The following LRRC7 variants were observed in gnomAD, a reference collection of about 807,000 sequenced individuals.
LRRC7 encodes leucine-rich repeat-containing protein 7.
A neutral mutation model predicts 175.7 loss-of-function variants in LRRC7; 23 were observed. The observed-to-expected ratio is 0.13, with a 90% CI of 0.09 to 0.19. The LOEUF (loss-of-function observed/expected upper bound fraction) is 0.19, where lower values mean the gene tolerates loss of function less well. Ranked by LOEUF, LRRC7 falls within the 10% of genes least tolerant of loss-of-function variation. The pLI is 1.00. For synonymous variants in LRRC7, 685 were observed against 680.9 expected, an observed-to-expected ratio of 1.01 and a Z score of -0.09; for missense variants, 1,354 against 1,904.7, an observed-to-expected ratio of 0.71 and a Z score of 5.38.
rs1345317016 is a variant in LRRC7 at position 70,033,159 on chromosome 1, C to T, written c.1996-2962C>T. On this transcript the variant is annotated intron_variant, in intron 18 of 26. Coordinates refer to ENST00000651989, the MANE Select transcript of LRRC7 (RefSeq NM_001370785.2). ...CTCAGGATAGACAATACAGCATACA[C>T]AGTATCACATAGATCTTTGAGTAGC... is the stretch of plus-strand genomic sequence containing the variant. Among the ~76,000 whole-genome samples, 3 of 152,312 alleles carry T rather than the reference C, an allele frequency of 2.0e-5. No homozygotes were observed. The East Asian group carries it at 5.8e-4, about 29-fold the overall frequency.
chr1:69,920,853 ATTGT>A (rs1239605528), intron 7 of LRRC7, among the ~76,000 whole-genome samples: 5 of 152,108 alleles, frequency 3.3e-5, no homozygotes, highest in Non-Finnish European at 5.9e-5. Context: ...TTTGGTGCTT[ATTGT>A]TTGTTTGTTG....
At chr1:70,025,562 T>C (rs915524506) in intron 17 of LRRC7, among the ~76,000 whole-genome samples, 12 of 152,104 alleles carry the variant, frequency 7.9e-5, no homozygotes, top group African/African-American at 2.7e-4. Context: ...CTTACAGATT[T>C]TCCAAGAACT....
intron 1 of LRRC7, among the ~76,000 whole-genome samples, chr1:69,614,439 A>C (rs1019984357): frequency 2.0e-5 from 3 of 151,998 alleles, no homozygotes; most frequent in Non-Finnish European, 4.4e-5. Flanking sequence ...GTGTATCGCT[A>C]TTTTCTTTGC....
chr1:69,667,498 C>T (rs1049785535), intron 1 of LRRC7, among the ~76,000 whole-genome samples: 7 of 152,014 alleles, frequency 4.6e-5, no homozygotes, highest in Non-Finnish European at 7.4e-5. Flanking sequence ...GTACTGGATG[C>T]GTATTTATTT....
At chr1:69,770,393 T>C (rs746555365) in intron 3 of LRRC7, among the ~76,000 whole-genome samples, 72 of 152,312 alleles carry the variant, frequency 4.7e-4, no homozygotes, top group Non-Finnish European at 5.9e-4. Flanking sequence ...AGGACACTTA[T>C]TTATTTTGTG....
chr1:69,714,477 G>A (rs146351620), intron 2 of LRRC7, among the ~76,000 whole-genome samples: 1 of 152,214 alleles, frequency 6.6e-6, no homozygotes, highest in Non-Finnish European at 1.5e-5. Flanking sequence ...ATGAGAAATG[G>A]CAATTTAGAG....
rs567678338 is a variant in LRRC7, at chr1:69,962,451, A to G, written c.712-17928A>G. 7.2e-5 allele frequency among the ~76,000 whole-genome samples: 11 copies of G among 152,334 alleles called. No individual in the cohort carries two copies. In the South Asian group the frequency reaches 2.1e-3, roughly 29 times the overall value. On this transcript the variant is annotated intron_variant, in intron 8 of 26. Coordinates refer to ENST00000651989, the MANE Select transcript of LRRC7 (RefSeq NM_001370785.2). ...TCCTCAAAGACCTAAAGAAAGAACT[A>G]AGATTTGACCCAGCAATCCCATTAC...
At chr1:69,757,920 A>C (rs1037838490) in intron 2 of LRRC7, among the ~76,000 whole-genome samples, 2 of 151,698 alleles carry the variant, frequency 1.3e-5, no homozygotes, top group Non-Finnish European at 2.9e-5. Flanking sequence ...TCTCTCCCAT[A>C]GCCTCTCTTT....
At position 69,919,885 on chromosome 1, in the gene LRRC7, C is replaced by T. The variant is rs868769518; in HGVS notation, c.648-11622C>T. 318 of 662,880 alleles carry T rather than the reference C, an allele frequency of 4.8e-4. 3 individuals are homozygous for T. Among genetic ancestry groups the T allele is most frequent in the Middle Eastern group, 4.0e-3 (16 of 4,044 alleles). The allele number at this position is 662,880 out of a possible 1,614,324, so 41.1% of individuals were successfully genotyped here. ...GGCCTCGGGGTTCCCCCGCTGCCTGCTGGCCAGTGGCCGAACCCCCCACTC... is the reference window on the plus strand; with the variant it reads ...GGCCTCGGGGTTCCCCCGCTGCCTGTTGGCCAGTGGCCGAACCCCCCACTC... On this transcript the variant is annotated intron_variant, in intron 7 of 26. Coordinates refer to ENST00000651989, the MANE Select transcript of LRRC7 (RefSeq NM_001370785.2).
chr1:69,991,905 G>A (rs1654475623), intron 10 of LRRC7, among the ~76,000 whole-genome samples: 1 of 152,044 alleles, frequency 6.6e-6, no homozygotes, highest in African/African-American at 2.4e-5. Context: ...TAGATGGAGA[G>A]TTTTCATAAT....
chr1:70,030,450 C>A (rs142260583), intron 18 of LRRC7, among the ~76,000 whole-genome samples: 2 of 152,208 alleles, frequency 1.3e-5, no homozygotes, highest in Non-Finnish European at 2.9e-5. Context: ...CAAAGAGGAA[C>A]TGTTGCTTTC....
At chr1:70,014,223 TA>T (rs1329433325) in intron 13 of LRRC7, 6 of 152,006 alleles carry the variant, frequency 3.9e-5, no homozygotes, top group Admixed American at 3.9e-4. Context: ...ATTATATTGT[TA>T]TAAATAAGAT....
chr1:69,808,341 TAGAC>T (rs1186333763), intron 4 of LRRC7, among the ~76,000 whole-genome samples: 2 of 151,914 alleles, frequency 1.3e-5, no homozygotes, highest in Non-Finnish European at 1.5e-5. Context: ...CTGTCAATAT[TAGAC>T]AGATGAACAA....
chr1:69,854,382 G>A (rs1478139569), intron 7 of LRRC7, among the ~76,000 whole-genome samples: 1 of 151,994 alleles, frequency 6.6e-6, no homozygotes, highest in East Asian at 1.9e-4. Context: ...GTGTGCCTGT[G>A]GTCCTAGCTA....
chr1:69,734,300 G>A (rs551221087), intron 2 of LRRC7, among the ~76,000 whole-genome samples: 86 of 151,686 alleles, frequency 5.7e-4, no homozygotes, highest in African/African-American at 2.0e-3. Context: ...CACATACCAC[G>A]GACCCATGAG....
intron 1 of LRRC7, among the ~76,000 whole-genome samples, chr1:69,616,673 T>C (rs1649673274): frequency 6.6e-6 from 1 of 152,068 alleles, no homozygotes. Context: ...ATATTCCACA[T>C]TGCTCATGAG....
intron 1 of LRRC7, among the ~76,000 whole-genome samples, chr1:69,664,359 T>A (rs950556034): frequency 6.6e-6 from 1 of 152,168 alleles, no homozygotes; most frequent in African/African-American, 2.4e-5. Context: ...GCTGTTTTAT[T>A]TTTAGTTTTT....
At chr1:70,049,337 A>G (rs1411708560) in intron 22 of LRRC7, among the ~76,000 whole-genome samples, 1 of 152,124 alleles carries the variant, frequency 6.6e-6, no homozygotes, top group African/African-American at 2.4e-5. Flanking sequence ...GATATATGCA[A>G]ATGACTCAGT....
chr1:69,722,439 G>A (rs1666463639), intron 2 of LRRC7, among the ~76,000 whole-genome samples: 1 of 151,926 alleles, frequency 6.6e-6, no homozygotes, highest in African/African-American at 2.4e-5. Context: ...ATGCCTTTTT[G>A]TAATTTTGCT....
Sources: allele counts gnomAD v4.1 joint callset (sites outside exome capture counted in the v4.1 genomes callset), GRCh38; gene constraint gnomAD v4.1.1; transcripts MANE v1.5; gene names NCBI Gene and HGNC (gene_info 2026-07-23, HGNC 2026-07-21).